GUCY1A2: variants seen among roughly 807,000 people sequenced by gnomAD.
GUCY1A2 encodes the protein guanylate cyclase soluble subunit alpha-2.
A neutral mutation model predicts 63.5 loss-of-function variants in GUCY1A2; 27 were observed. That is an observed-to-expected ratio of 0.43 (90% CI 0.31 to 0.59). The LOEUF is 0.59. Among genes scored for constraint, GUCY1A2 ranks in the 20% least tolerant of loss-of-function variants. The probability of loss-of-function intolerance (pLI) is 0.11; values close to 1 mark genes in which losing one functional copy is unlikely to be tolerated. For missense variants in GUCY1A2, 768 were observed against 913.3 expected (o/e 0.84, Z 2.05); for synonymous variants, 364 against 343.5 (o/e 1.06, Z -0.66).
chr11:106,961,495 T>C (rs1026325707), intron 3 of GUCY1A2, among the ~76,000 whole-genome samples: 1 of 152,218 alleles, frequency 6.6e-6, no homozygotes, highest in African/African-American at 2.4e-5. Context: ...ATGAAAGATC[T>C]TTCTCAATAT....
rs1215310489 is a variant in GUCY1A2 at position 106,955,925 on chromosome 11, TG to T, written c.488-15748del. On this transcript the variant is annotated intron_variant, in intron 3 of 7. Coordinates refer to ENST00000526355, the MANE Select transcript of GUCY1A2 (RefSeq NM_000855.3). Reference sequence around the variant, plus strand: ...TGTTTCCATTCTCTCCATCTCCTTCTGGTACTCCAATCAATCGCAGATTCTG... The same window carrying T: ...TGTTTCCATTCTCTCCATCTCCTTCTGTACTCCAATCAATCGCAGATTCTG... Among the ~76,000 whole-genome samples, 9 of 152,254 alleles carry T rather than the reference TG, an allele frequency of 5.9e-5. 1 individual carries two copies. The South Asian group carries it at 1.0e-3, about 18-fold the overall frequency.
intron 7 of GUCY1A2, among the ~76,000 whole-genome samples, chr11:106,694,034 G>C (rs1212476093): frequency 1.3e-5 from 2 of 152,108 alleles, no homozygotes; most frequent in African/African-American, 4.8e-5. Flanking sequence ...AGTTTTGTGT[G>C]TAGCAAAATA....
chr11:106,868,257 G>C (rs1215162185), intron 4 of GUCY1A2, among the ~76,000 whole-genome samples: 1 of 152,036 alleles, frequency 6.6e-6, no homozygotes, highest in East Asian at 1.9e-4. Context: ...TTAAGGAAAA[G>C]TGTGTCTCAC....
At chr11:106,951,465 T>G (rs1278031635) in intron 3 of GUCY1A2, among the ~76,000 whole-genome samples, 2 of 152,014 alleles carry the variant, frequency 1.3e-5, no homozygotes, top group Non-Finnish European at 2.9e-5. Context: ...CTCATTGTGC[T>G]TTTCATTTGC....
chr11:106,936,809 G>A, intron 4 of GUCY1A2: 4 of 624,198 alleles, frequency 6.4e-6, no homozygotes, highest in Admixed American at 3.0e-5. Context: ...GTTAGAAGAA[G>A]GAATAAATAT....
intron 4 of GUCY1A2, among the ~76,000 whole-genome samples, chr11:106,859,106 A>G (rs775330168): frequency 7.9e-5 from 12 of 152,042 alleles, no homozygotes; most frequent in Non-Finnish European, 1.3e-4. Context: ...CCTACTACTG[A>G]CATTATGTAA....
rs1184636698 is a variant in GUCY1A2, at chr11:106,855,921, A to C, written c.1207-45443T>G. Among the ~76,000 whole-genome samples, 57 of 149,206 alleles carry C rather than the reference A, an allele frequency of 3.8e-4. 1 individual carries two copies. The highest frequency in any genetic ancestry group is 8.1e-4 in the African/African-American group (33 of 40,978). ...TATTTATTTATTTATTTATTTATTT[A>C]TTTATTTATTTATTTATTTTTGGTG... is the stretch of plus-strand genomic sequence containing the variant. On this transcript the variant is annotated intron_variant, in intron 4 of 7. Coordinates refer to ENST00000526355, the MANE Select transcript of GUCY1A2 (RefSeq NM_000855.3).
chr11:106,796,775 G>A (rs955816110), intron 5 of GUCY1A2, among the ~76,000 whole-genome samples: 2 of 152,092 alleles, frequency 1.3e-5, no homozygotes, highest in African/African-American at 2.4e-5. Flanking sequence ...TTCTCAAGGA[G>A]TATCTTTGTG....
intron 6 of GUCY1A2, among the ~76,000 whole-genome samples, chr11:106,732,019 G>GTC (rs1476219117): frequency 2.6e-5 from 4 of 152,072 alleles, no homozygotes; most frequent in African/African-American, 9.7e-5. Context: ...AACTACCAAT[G>GTC]ACATTCTTCA....
intron 5 of GUCY1A2, among the ~76,000 whole-genome samples, chr11:106,777,445 CAAAA>C (rs34353077): frequency 1.1e-5 from 1 of 91,394 alleles, no homozygotes; most frequent in Non-Finnish European, 2.1e-5. Context: ...GACTTGGTCT[CAAAA>C]AAAAAAAAAA....
At chr11:106,688,719 T>G (rs1424087447) in intron 7 of GUCY1A2, among the ~76,000 whole-genome samples, 2 of 152,138 alleles carry the variant, frequency 1.3e-5, no homozygotes, top group Non-Finnish European at 2.9e-5. Flanking sequence ...ACACGAAAAT[T>G]GCAGAAGTCT....
intron 4 of GUCY1A2, among the ~76,000 whole-genome samples, chr11:106,938,266 A>T (rs539942346): frequency 1.9e-4 from 29 of 152,172 alleles, no homozygotes; most frequent in East Asian, 1.5e-3. Context: ...TATTTTTTTT[A>T]AAAAACTTTC....
At chr11:106,871,893 A>C (rs1051093923) in intron 4 of GUCY1A2, among the ~76,000 whole-genome samples, 3 of 152,212 alleles carry the variant, frequency 2.0e-5, no homozygotes, top group African/African-American at 7.2e-5. Flanking sequence ...GTTTAGGTGA[A>C]TTAAACTAAT....
chr11:106,880,410 T>C (rs972803121), intron 4 of GUCY1A2, among the ~76,000 whole-genome samples: 3 of 151,974 alleles, frequency 2.0e-5, no homozygotes, highest in Admixed American at 6.6e-5. Flanking sequence ...GTGGTTCTCC[T>C]GTCCAGCCCA....
chr11:106,856,959 A>G (rs1470510889), intron 4 of GUCY1A2, among the ~76,000 whole-genome samples: 1 of 152,202 alleles, frequency 6.6e-6, no homozygotes, highest in East Asian at 1.9e-4. Context: ...AAACAAAGCT[A>G]ATCTCCAAAT....
chr11:106,805,511 G>T (rs1020652074), intron 5 of GUCY1A2, among the ~76,000 whole-genome samples: 2 of 152,194 alleles, frequency 1.3e-5, no homozygotes, highest in Non-Finnish European at 2.9e-5. Context: ...CTCCCAAAGT[G>T]CTGGGATTAC....
chr11:106,698,599 C>T (rs1209280676), intron 7 of GUCY1A2, among the ~76,000 whole-genome samples: 1 of 152,002 alleles, frequency 6.6e-6, no homozygotes, highest in African/African-American at 2.4e-5. Context: ...TTCCACTTAA[C>T]CTGGGTACAT....
chr11:106,860,909 T>C (rs1176189957), intron 4 of GUCY1A2, among the ~76,000 whole-genome samples: 1 of 151,908 alleles, frequency 6.6e-6, no homozygotes, highest in Non-Finnish European at 1.5e-5. Context: ...TTGACTCCAG[T>C]CCAAGGGATG....
intron 1 of GUCY1A2, among the ~76,000 whole-genome samples, chr11:107,000,638 ATAG>A (rs1415316090): frequency 6.6e-6 from 1 of 152,230 alleles, no homozygotes; most frequent in African/African-American, 2.4e-5. Flanking sequence ...TATGAAATCA[ATAG>A]TAGATTGGTA....
Sources: gnomAD v4.1 joint callset for allele counts (sites outside exome capture counted in the v4.1 genomes callset) on GRCh38, gnomAD v4.1.1 for gene constraint, MANE v1.5 for transcripts, NCBI Gene and HGNC (gene_info 2026-07-23, HGNC 2026-07-21) for gene names.